The following NKAIN3 variants were observed in gnomAD, a reference collection of about 807,000 sequenced individuals.
NKAIN3 encodes the protein sodium/potassium transporting ATPase interacting 3.
NKAIN3 carries 25 observed loss-of-function variants against 30.2 expected under a neutral mutation model. The observed-to-expected ratio is 0.83, with a 90% CI of 0.60 to 1.16. The LOEUF (loss-of-function observed/expected upper bound fraction) is 1.16, where lower values mean the gene tolerates loss of function less well. Among genes scored for constraint, NKAIN3 ranks in the 50% most tolerant of loss-of-function variants. The pLI, the probability that NKAIN3 is intolerant of heterozygous loss-of-function variation, is 0.00. For missense variants in NKAIN3, 225 were observed against 254.1 expected (o/e 0.89, Z 0.78); for synonymous variants, 91 against 89.6 (o/e 1.02, Z -0.09).
At chr8:62,812,741 T>G (rs1818530358) in intron 4 of NKAIN3, among the ~76,000 whole-genome samples, 1 of 151,890 alleles carries the variant, frequency 6.6e-6, no homozygotes, top group South Asian at 2.1e-4. Context: ...AAATATACAT[T>G]TCTTAATGAA....
intron 6 of NKAIN3, among the ~76,000 whole-genome samples, chr8:62,963,881 G>A (rs12549451): frequency 0.12 from 18,616 of 152,112 alleles, 1,300 homozygotes; most frequent in East Asian, 0.22. Flanking sequence ...GCTGTACAGC[G>A]AGAAGAGTGG....
chr8:62,976,675 C>T lies in NKAIN3; in HGVS notation c.*11268C>T, dbSNP rs1025478794. Among the ~76,000 whole-genome samples, 1 of 152,116 alleles carries T rather than the reference C, an allele frequency of 6.6e-6. No individual in the cohort carries two copies. The highest frequency in any genetic ancestry group is 2.1e-4 in the South Asian group (1 of 4,818). On this transcript the variant is annotated 3_prime_UTR_variant, in exon 7 of 7. Transcript: ENST00000623646. ...TGCCTTTTAATTGGGGCATTTAGCCCATTTACATTTAAGGTTAATATTGTT... is the reference window on the plus strand; with the variant it reads ...TGCCTTTTAATTGGGGCATTTAGCCTATTTACATTTAAGGTTAATATTGTT...
chr8:62,533,615 T>A (rs962953571), intron 1 of NKAIN3, among the ~76,000 whole-genome samples: 4 of 152,232 alleles, frequency 2.6e-5, no homozygotes, highest in African/African-American at 9.6e-5. Flanking sequence ...TTCCCCTTTT[T>A]TCTGCTGCTT....
At chr8:62,854,760 G>T (rs1820010700) in intron 4 of NKAIN3, among the ~76,000 whole-genome samples, 1 of 152,096 alleles carries the variant, frequency 6.6e-6, no homozygotes, top group South Asian at 2.1e-4. Context: ...GATTATTTTT[G>T]CAGACTAGTT....
At chr8:62,310,361 A>G (rs908379973) in intron 1 of NKAIN3, among the ~76,000 whole-genome samples, 17 of 150,694 alleles carry the variant, frequency 1.1e-4, no homozygotes, top group Non-Finnish European at 2.1e-4. Flanking sequence ...TAGGAAGATA[A>G]CTAAAGACAG....
chr8:62,347,981 G>A (rs1419574582), intron 1 of NKAIN3, among the ~76,000 whole-genome samples: 1 of 152,012 alleles, frequency 6.6e-6, no homozygotes, highest in African/African-American at 2.4e-5. Context: ...GGCCTTAAAT[G>A]AACTTGAAGA....
rs534789548 is a variant in NKAIN3, at chr8:62,926,670, G to A, written c.532+8157G>A. Among the ~76,000 whole-genome samples, 6 of 152,224 alleles carry A rather than the reference G, an allele frequency of 3.9e-5. No individual in the cohort carries two copies. In the East Asian group the frequency reaches 9.7e-4, roughly 25 times the overall value. ...CAAAGAGGCAATGTGACCGCCGGCG[G>A]CTTTTTCCTCCTCTGCCCTGCACCC... On this transcript the variant is annotated intron_variant, in intron 5 of 6. Coordinates refer to ENST00000623646, the MANE Select transcript of NKAIN3 (RefSeq NM_001304533.3).
At chr8:62,726,510 G>A (rs1815264399) in intron 3 of NKAIN3, among the ~76,000 whole-genome samples, 5 of 152,134 alleles carry the variant, frequency 3.3e-5, no homozygotes, top group South Asian at 2.1e-4. Flanking sequence ...ATGGAAGGAT[G>A]TAGAATTTTA....
chr8:62,719,690 C>T (rs1186961153), intron 3 of NKAIN3, among the ~76,000 whole-genome samples: 1 of 151,624 alleles, frequency 6.6e-6, no homozygotes, highest in Non-Finnish European at 1.5e-5. Flanking sequence ...CTATCACCAA[C>T]ACTAATGCCA....
At chr8:62,519,878 C>G (rs1808103306) in intron 1 of NKAIN3, among the ~76,000 whole-genome samples, 3 of 152,136 alleles carry the variant, frequency 2.0e-5, no homozygotes, top group African/African-American at 7.2e-5. Flanking sequence ...TCAGCACAGC[C>G]CTGTGCAGAC....
chr8:62,619,916 T>C (rs1248195647), intron 3 of NKAIN3, among the ~76,000 whole-genome samples: 1 of 152,162 alleles, frequency 6.6e-6, no homozygotes, highest in Non-Finnish European at 1.5e-5. Flanking sequence ...TGCTATATAC[T>C]GTAAGGGAGG....
At chr8:62,861,864 T>A (rs1820249932) in intron 4 of NKAIN3, among the ~76,000 whole-genome samples, 1 of 152,176 alleles carries the variant, frequency 6.6e-6, no homozygotes. Context: ...CTAAAACCAA[T>A]ACCTTCCCAT....
At chr8:62,529,086 T>C (rs991665936) in intron 1 of NKAIN3, among the ~76,000 whole-genome samples, 4 of 152,084 alleles carry the variant, frequency 2.6e-5, no homozygotes, top group Non-Finnish European at 5.9e-5. Flanking sequence ...CCATAGCAGA[T>C]GAGGTATAGG....
At chr8:62,877,866 C>T (rs1329707994) in intron 4 of NKAIN3, among the ~76,000 whole-genome samples, 3 of 151,932 alleles carry the variant, frequency 2.0e-5, no homozygotes, top group African/African-American at 7.3e-5. Context: ...CATGAAGAAA[C>T]CCTGTCTCTA....
chr8:62,290,439 G>A (rs1468531066), intron 1 of NKAIN3, among the ~76,000 whole-genome samples: 3 of 152,184 alleles, frequency 2.0e-5, no homozygotes, highest in Non-Finnish European at 4.4e-5. Flanking sequence ...TTTATTGGTA[G>A]TTTTTAGCAT....
chr8:62,867,832 T>G (rs1563602282), intron 4 of NKAIN3, among the ~76,000 whole-genome samples: 1 of 152,256 alleles, frequency 6.6e-6, no homozygotes, highest in Non-Finnish European at 1.5e-5. Context: ...AAGCTTCTCT[T>G]TGATCAAACC....
At chr8:62,605,348 C>T (rs1207745342) in intron 3 of NKAIN3, among the ~76,000 whole-genome samples, 1 of 151,914 alleles carries the variant, frequency 6.6e-6, no homozygotes, top group Admixed American at 6.6e-5. Flanking sequence ...CTGCCCATGA[C>T]CGGATTTGTT....
At chr8:62,669,696 C>G (rs1423861120) in intron 3 of NKAIN3, among the ~76,000 whole-genome samples, 1 of 152,004 alleles carries the variant, frequency 6.6e-6, no homozygotes, top group African/African-American at 2.4e-5. Flanking sequence ...TTTGAATGAC[C>G]GTGCTTTTGT....
chr8:62,478,544 T>C (rs147055125), intron 1 of NKAIN3, among the ~76,000 whole-genome samples: 2 of 152,346 alleles, frequency 1.3e-5, no homozygotes, highest in African/African-American at 4.8e-5. Context: ...CATGCAATCA[T>C]GCACTTACCA....
Sources: gnomAD v4.1 joint callset for allele counts (sites outside exome capture counted in the v4.1 genomes callset) on GRCh38, gnomAD v4.1.1 for gene constraint, MANE v1.5 for transcripts, NCBI Gene and HGNC (gene_info 2026-07-23, HGNC 2026-07-21) for gene names.